The following AGBL1 variants were observed in gnomAD, a reference collection of about 807,000 sequenced individuals.
AGBL1 encodes the protein cytosolic carboxypeptidase 4.
In AGBL1, 130 loss-of-function variants were observed where a neutral mutation model predicts 118.9. The observed-to-expected ratio is 1.09, with a 90% CI of 0.95 to 1.26. AGBL1 has a LOEUF of 1.26. Ranked by LOEUF, AGBL1 falls within the 50% of genes most tolerant of loss-of-function variation. The pLI is 0.00. For synonymous variants in AGBL1, 555 were observed against 478.9 expected, an observed-to-expected ratio of 1.16 and a Z score of -2.08; for missense variants, 1,584 against 1,298.1, an observed-to-expected ratio of 1.22 and a Z score of -3.38.
At chr15:86,650,370 A>C (rs766181259) in intron 21 of AGBL1, among the ~76,000 whole-genome samples, 1 of 152,152 alleles carries the variant, frequency 6.6e-6, no homozygotes, top group Non-Finnish European at 1.5e-5. Context: ...AAGCTATATA[A>C]ATTTATAAGG....
intron 24 of AGBL1, among the ~76,000 whole-genome samples, chr15:87,018,977 T>A (rs1441238217): frequency 6.6e-6 from 1 of 151,782 alleles, no homozygotes; most frequent in Non-Finnish European, 1.5e-5. Context: ...CAATCCTTGT[T>A]TCTGACAAAA....
chr15:86,769,773 G>A (rs1017077048), intron 22 of AGBL1, among the ~76,000 whole-genome samples: 1 of 151,980 alleles, frequency 6.6e-6, no homozygotes, highest in Non-Finnish European at 1.5e-5. Flanking sequence ...AGTTTGAAAT[G>A]CAAGGCTCAT....
chr15:86,828,356 T>C (rs892707422), intron 22 of AGBL1, among the ~76,000 whole-genome samples: 4 of 152,000 alleles, frequency 2.6e-5, no homozygotes, highest in Non-Finnish European at 4.4e-5. Context: ...TTAATGTACA[T>C]GGAAAAAAGG....
chr15:86,749,260 C>T (rs1426907119), intron 22 of AGBL1, among the ~76,000 whole-genome samples: 3 of 152,066 alleles, frequency 2.0e-5, no homozygotes, highest in Admixed American at 2.0e-4. Flanking sequence ...GTATTGTATT[C>T]TCTTTGAAGC....
intron 19 of AGBL1, among the ~76,000 whole-genome samples, chr15:86,534,737 G>A (rs1449740936): frequency 7.9e-5 from 12 of 152,178 alleles, no homozygotes; most frequent in African/African-American, 1.4e-4. Context: ...AGTCAATAAC[G>A]TGGGTGAATC....
chr15:86,840,203 G>C (rs941932313), intron 22 of AGBL1, among the ~76,000 whole-genome samples: 1 of 152,102 alleles, frequency 6.6e-6, no homozygotes, highest in Non-Finnish European at 1.5e-5. Context: ...ACAGAATTTT[G>C]GTTGTTGTTT....
chr15:86,782,802 C>T (rs1438091094), intron 22 of AGBL1, among the ~76,000 whole-genome samples: 1 of 152,136 alleles, frequency 6.6e-6, no homozygotes, highest in African/African-American at 2.4e-5. Context: ...AATGGTAAAG[C>T]AAATACTTTA....
chr15:86,438,651 CTG>C (rs2082025973), intron 18 of AGBL1, among the ~76,000 whole-genome samples: 1 of 144,678 alleles, frequency 6.9e-6, no homozygotes, highest in Non-Finnish European at 1.5e-5. Flanking sequence ...AACTGATAAT[CTG>C]TCTCTTTTTT....
chr15:86,937,059 A>G (rs184962354), intron 23 of AGBL1, among the ~76,000 whole-genome samples: 164 of 152,348 alleles, frequency 1.1e-3, no homozygotes, highest in African/African-American at 3.7e-3. Context: ...GAAAAGCTCA[A>G]TATCACTGAT....
intron 18 of AGBL1, among the ~76,000 whole-genome samples, chr15:86,404,994 TA>T (rs1407239548): frequency 6.6e-6 from 1 of 152,154 alleles, no homozygotes; most frequent in Non-Finnish European, 1.5e-5. Context: ...AAATTGGGAA[TA>T]CTCAGGTCTA....
intron 21 of AGBL1, among the ~76,000 whole-genome samples, chr15:86,608,945 C>G (rs564535957): frequency 6.6e-6 from 1 of 152,190 alleles, no homozygotes; most frequent in African/African-American, 2.4e-5. Context: ...TCGCTAGTGA[C>G]TTGCTGACAA....
At chr15:86,565,612 C>G (rs897674622) in intron 21 of AGBL1, among the ~76,000 whole-genome samples, 2 of 152,234 alleles carry the variant, frequency 1.3e-5, no homozygotes, top group Non-Finnish European at 2.9e-5. Flanking sequence ...TGTCCGTTCT[C>G]TGATCTCAAA....
At chr15:86,442,627 G>T (rs2082078247) in intron 18 of AGBL1, among the ~76,000 whole-genome samples, 2 of 152,174 alleles carry the variant, frequency 1.3e-5, no homozygotes, top group Non-Finnish European at 2.9e-5. Flanking sequence ...GAAATGGCTG[G>T]AATGAATTAA....
chr15:86,461,154 A>G (rs1231309656), intron 18 of AGBL1, among the ~76,000 whole-genome samples: 2 of 152,138 alleles, frequency 1.3e-5, no homozygotes, highest in Non-Finnish European at 2.9e-5. Context: ...ATAGCCTGGG[A>G]TCAGGGACTT....
intron 22 of AGBL1, among the ~76,000 whole-genome samples, chr15:86,864,374 C>T (rs12148788): frequency 0.042 from 6,336 of 152,250 alleles, 155 homozygotes; most frequent in South Asian, 0.065. Flanking sequence ...ATTGAAAGTT[C>T]GCTTTACTCA....
At chr15:86,364,283 C>T (rs748290261) in intron 17 of AGBL1, among the ~76,000 whole-genome samples, 3 of 152,110 alleles carry the variant, frequency 2.0e-5, no homozygotes, top group Admixed American at 6.6e-5. Flanking sequence ...AACATGAATG[C>T]GAACTCACTG....
intron 22 of AGBL1, among the ~76,000 whole-genome samples, chr15:86,746,210 G>A (rs1053578680): frequency 1.3e-5 from 2 of 152,096 alleles, no homozygotes; most frequent in African/African-American, 4.8e-5. Flanking sequence ...GACTCCTTCC[G>A]CACATCCTTC....
At chr15:86,780,172 A>G (rs965592035) in intron 22 of AGBL1, among the ~76,000 whole-genome samples, 3 of 142,566 alleles carry the variant, frequency 2.1e-5, no homozygotes, top group Admixed American at 7.5e-5. Flanking sequence ...TGATGTAAGG[A>G]ACAAGACACA....
intron 23 of AGBL1, among the ~76,000 whole-genome samples, chr15:86,938,317 G>C (rs989125065): frequency 1.3e-5 from 2 of 152,194 alleles, no homozygotes; most frequent in Admixed American, 1.3e-4. Flanking sequence ...ACGGGACACA[G>C]ATATGATGGC....
Sources: gnomAD v4.1 joint callset for allele counts (sites outside exome capture counted in the v4.1 genomes callset) on GRCh38, gnomAD v4.1.1 for gene constraint, MANE v1.5 for transcripts, NCBI Gene and HGNC (gene_info 2026-07-23, HGNC 2026-07-21) for gene names.